The following TSPAN18 variants were observed in gnomAD, a reference collection of about 807,000 sequenced individuals.
The protein encoded by TSPAN18 is tetraspanin-18.
A neutral mutation model predicts 27.3 loss-of-function variants in TSPAN18; 14 were observed. The observed-to-expected ratio is 0.51, with a 90% CI of 0.34 to 0.80. The LOEUF (loss-of-function observed/expected upper bound fraction) is 0.80, where lower values mean the gene tolerates loss of function less well. TSPAN18 is among the 30% of genes least tolerant of loss of function. The pLI, the probability that TSPAN18 is intolerant of heterozygous loss-of-function variation, is 0.01. For missense variants in TSPAN18, 268 were observed against 323.9 expected, an observed-to-expected ratio of 0.83 and a Z score of 1.32; for synonymous variants, 143 against 136.5, an observed-to-expected ratio of 1.05 and a Z score of -0.33.
In TSPAN18 at chr11:44,741,712, G is replaced by T. The variant is rs909286711; in HGVS notation, c.-240+14425G>T. The stretch of plus-strand genomic sequence containing the variant: ...TAGTTTTGGAGTCCCATGGATCTGG[G>T]TTCAAATCCTGGGTCGGTCCCTACC... On this transcript the variant is annotated intron_variant, in intron 1 of 9. Coordinates refer to ENST00000520358, the MANE Select transcript of TSPAN18 (RefSeq NM_130783.5). 3.9e-5 allele frequency among the ~76,000 whole-genome samples: 6 copies of T among 152,158 alleles called. No individual in the cohort carries two copies. In the East Asian group the frequency reaches 9.6e-4, roughly 24 times the overall value.
At chr11:44,918,475 G>A (rs1448941472) in intron 6 of TSPAN18, among the ~76,000 whole-genome samples, 1 of 151,976 alleles carries the variant, frequency 6.6e-6, no homozygotes, top group Non-Finnish European at 1.5e-5. Context: ...GCCACAGGCA[G>A]CTGGAGTGCC....
At chr11:44,776,498 C>T (rs1855811502) in intron 2 of TSPAN18, among the ~76,000 whole-genome samples, 1 of 152,142 alleles carries the variant, frequency 6.6e-6, no homozygotes, top group Admixed American at 6.5e-5. Flanking sequence ...GGCTGCAGAC[C>T]ACAGCCGTCA....
intron 2 of TSPAN18, among the ~76,000 whole-genome samples, chr11:44,769,422 G>A (rs1855639965): frequency 6.6e-6 from 1 of 152,204 alleles, no homozygotes; most frequent in Admixed American, 6.5e-5. Flanking sequence ...AATGAGTTAG[G>A]AAGTATTCTC....
At chr11:44,795,890 C>T (rs1856338678) in intron 2 of TSPAN18, among the ~76,000 whole-genome samples, 1 of 152,086 alleles carries the variant, frequency 6.6e-6, no homozygotes, top group South Asian at 2.1e-4. Flanking sequence ...GCCAGGGCTC[C>T]CTGCTCCCAG....
intron 2 of TSPAN18, among the ~76,000 whole-genome samples, chr11:44,820,508 A>G (rs1219936825): frequency 2.6e-5 from 4 of 152,238 alleles, no homozygotes; most frequent in Non-Finnish European, 5.9e-5. Flanking sequence ...CTTGAGAGCT[A>G]GACTGTTTGT....
chr11:44,877,235 G>A lies in TSPAN18; in HGVS notation c.-11+16766G>A, dbSNP rs1441150221. On this transcript the variant is annotated intron_variant, in intron 3 of 9. Transcript: ENST00000520358. ...TCTGCAGGGTATGGCAGGCTGGGGC[G>A]GGAGCCCGATGACATTGTGAAGTCA... Among the ~76,000 whole-genome samples, 9 of 152,354 alleles carry A rather than the reference G, an allele frequency of 5.9e-5. No homozygotes were observed. The South Asian group carries it at 6.2e-4, about 11-fold the overall frequency.
chr11:44,908,397 C>T (rs1357172603), intron 4 of TSPAN18, among the ~76,000 whole-genome samples: 1 of 152,116 alleles, frequency 6.6e-6, no homozygotes, highest in African/African-American at 2.4e-5. Context: ...AACTTTGGTT[C>T]TTCCCACAAC....
chr11:44,916,667 G>A (rs1190894438), intron 5 of TSPAN18, among the ~76,000 whole-genome samples: 1 of 152,128 alleles, frequency 6.6e-6, no homozygotes, highest in Non-Finnish European at 1.5e-5. Flanking sequence ...AGACAAGGTG[G>A]GCCCTGAGGT....
At chr11:44,903,833 C>T in intron 3 of TSPAN18, 1 of 456,720 alleles carries the variant, frequency 2.2e-6, no homozygotes, top group Admixed American at 2.3e-5. Flanking sequence ...GGCTTCACCA[C>T]TCACTAGCTG....
At chr11:44,900,674 G>A (rs1859225764) in intron 3 of TSPAN18, among the ~76,000 whole-genome samples, 1 of 133,710 alleles carries the variant, frequency 7.5e-6, no homozygotes, top group African/African-American at 2.7e-5. Context: ...TACAACTTGA[G>A]GAAGGCTTTT....
intron 2 of TSPAN18, among the ~76,000 whole-genome samples, chr11:44,782,714 G>C (rs78783139): frequency 6.6e-6 from 1 of 152,134 alleles, no homozygotes; most frequent in Non-Finnish European, 1.5e-5. Flanking sequence ...TAATAGTTGC[G>C]TAACGGTATC....
At chr11:44,801,032 C>T (rs1856468512) in intron 2 of TSPAN18, among the ~76,000 whole-genome samples, 1 of 152,216 alleles carries the variant, frequency 6.6e-6, no homozygotes, top group Non-Finnish European at 1.5e-5. Context: ...GCTTTTTAAA[C>T]TGTACAGTTG....
At chr11:44,824,319 C>G (rs1349107389) in intron 2 of TSPAN18, among the ~76,000 whole-genome samples, 2 of 152,226 alleles carry the variant, frequency 1.3e-5, no homozygotes, top group African/African-American at 4.8e-5. Context: ...TTTGCCTGCC[C>G]TCTACCTTAG....
At position 44,917,836 on chromosome 11, in the gene TSPAN18, T is replaced by G. The variant is rs143384551; in HGVS notation, c.259-136T>G. On this transcript the variant is annotated intron_variant, in intron 5 of 9. Coordinates refer to ENST00000520358, the MANE Select transcript of TSPAN18 (RefSeq NM_130783.5). The stretch of plus-strand genomic sequence containing the variant: ...TGTGTTTGTTATGAAAAATGTCTGA[T>G]AGCAGTGGAGTGCCTTAATCTTACA... 1.8e-4 allele frequency: 125 copies of G among 695,964 alleles called. 2 individuals are homozygous for G. The highest frequency in any genetic ancestry group is 1.4e-3 in the African/African-American group (78 of 56,710). 43.1% of individuals were successfully genotyped at this position (695,964 alleles called of 1,614,324 possible). A position where few individuals can be genotyped will look rare whatever the true frequency, so the allele number is the denominator to read the frequency against.
Position 44,930,747 on chromosome 11 carries a change from C to CTGA in TSPAN18, c.*1573_*1575dup. On this transcript the variant is annotated 3_prime_UTR_variant, in exon 10 of 10. Transcript: ENST00000520358. ...CTCAGTGGGAGACGGCAGTGCAATCCTGATGAGTGATGTCTGCCAGGCACC... is the reference window on the plus strand; with the variant it reads ...CTCAGTGGGAGACGGCAGTGCAATCCTGATGATGAGTGATGTCTGCCAGGCACC... 2.3e-6 allele frequency: 1 copy of CTGA among 430,006 alleles called. No individual in the cohort carries two copies. The highest frequency in any genetic ancestry group is 1.7e-5 in the South Asian group (1 of 58,078). 26.6% of individuals were successfully genotyped at this position (430,006 alleles called of 1,614,324 possible).
intron 2 of TSPAN18, among the ~76,000 whole-genome samples, chr11:44,802,269 CTCTGAGATGGGT>C (rs1177430033): frequency 6.7e-6 from 1 of 149,554 alleles, no homozygotes; most frequent in Non-Finnish European, 1.5e-5. Flanking sequence ...GACACAAAGG[CTCTGAGATGGGT>C]TCTGGGACCC....
At chr11:44,910,957 C>G (rs1300774596) in intron 5 of TSPAN18, among the ~76,000 whole-genome samples, 1 of 152,244 alleles carries the variant, frequency 6.6e-6, no homozygotes, top group East Asian at 1.9e-4. Context: ...ACCAGCTCAG[C>G]TATAGATCAC....
intron 1 of TSPAN18, among the ~76,000 whole-genome samples, chr11:44,731,631 T>TGAGAGAGA (rs1168288636): frequency 6.0e-4 from 36 of 60,498 alleles, no homozygotes; most frequent in African/African-American, 1.6e-3. Flanking sequence ...TGTGTGTGTG[T>TGAGAGAGA]GTGAGAGAGA....
rs146201339 is a variant in TSPAN18, at chr11:44,850,138, C to T, written c.-152-10190C>T. ...CAGAAATGAGAAACACAGCTGAAGC[C>T]GCTCCTGCTCCCCAGGGCCCGCCAA... On this transcript the variant is annotated intron_variant, in intron 2 of 9. Coordinates refer to ENST00000520358, the MANE Select transcript of TSPAN18 (RefSeq NM_130783.5). Among the ~76,000 whole-genome samples the T allele has an allele frequency of 2.8e-3, 421 of 152,294 alleles. 3 individuals are homozygous for T. Among genetic ancestry groups the T allele is most frequent in the African/African-American group, 9.3e-3 (385 of 41,558 alleles).
Sources: gnomAD v4.1 joint callset for allele counts (sites outside exome capture counted in the v4.1 genomes callset) on GRCh38, gnomAD v4.1.1 for gene constraint, MANE v1.5 for transcripts, NCBI Gene and HGNC (gene_info 2026-07-23, HGNC 2026-07-21) for gene names.